Variants in CNTN1 observed in about 807,000 individuals in gnomAD.
CNTN1 encodes contactin-1.
CNTN1 carries 38 observed loss-of-function variants against 126.4 expected under a neutral mutation model. That is an observed-to-expected ratio of 0.30 (90% CI 0.23 to 0.39). CNTN1 has a LOEUF of 0.39. Among genes scored for constraint, CNTN1 ranks in the 10% least tolerant of loss-of-function variants. CNTN1 has a pLI of 1.00. For missense variants in CNTN1, 1,009 were observed against 1,248.4 expected (o/e 0.81, Z 2.89); for synonymous variants, 413 against 422.6 (o/e 0.98, Z 0.28).
intron 1 of CNTN1, among the ~76,000 whole-genome samples, chr12:40,730,603 C>T (rs1044654835): frequency 5.3e-5 from 8 of 152,130 alleles, no homozygotes; most frequent in Non-Finnish European, 1.0e-4. Context: ...GGAATGTATC[C>T]AATGACTACA....
chr12:40,984,412 T>C (rs1476491372), intron 16 of CNTN1, among the ~76,000 whole-genome samples: 2 of 152,168 alleles, frequency 1.3e-5, no homozygotes, highest in Non-Finnish European at 2.9e-5. Context: ...ACAAGAATCA[T>C]AGTGCCAGCA....
At position 40,821,919 on chromosome 12, in the gene CNTN1, TA is replaced by T. The variant is rs142654312; in HGVS notation, c.-76-86434del. Among the ~76,000 whole-genome samples, 1,144 of 151,906 alleles carry T rather than the reference TA, an allele frequency of 7.5e-3. 20 individuals are homozygous for T. Among genetic ancestry groups the T allele is most frequent in the African/African-American group, 0.026 (1,071 of 41,400 alleles). ...GGCTTTATTATATTTTCCTCACTTT[TA>T]AAATATATTATTGATATTTCAAGCA... On this transcript the variant is annotated intron_variant, in intron 1 of 23. Transcript: ENST00000551295.
chr12:40,988,081 G>T (rs1307306788), intron 16 of CNTN1, among the ~76,000 whole-genome samples: 1 of 152,028 alleles, frequency 6.6e-6, no homozygotes, highest in African/African-American at 2.4e-5. Flanking sequence ...AACACAGCTT[G>T]CTTTACTTTT....
At chr12:40,715,041 A>G (rs1942015017) in intron 1 of CNTN1, among the ~76,000 whole-genome samples, 1 of 152,196 alleles carries the variant, frequency 6.6e-6, no homozygotes. Flanking sequence ...ACATGCGATA[A>G]GAAAATCTAA....
chr12:41,057,026 TATAAATATTATAA>T (rs1290849716), intron 23 of CNTN1, among the ~76,000 whole-genome samples: 1 of 78,838 alleles, frequency 1.3e-5, no homozygotes, highest in African/African-American at 6.6e-5. Flanking sequence ...AAATGATATT[TATAAATATTATAA>T]ATATTTAGAT....
chr12:40,784,220 C>T (rs189134510), intron 1 of CNTN1, among the ~76,000 whole-genome samples: 4 of 152,156 alleles, frequency 2.6e-5, no homozygotes, highest in Admixed American at 2.0e-4. Context: ...CTTCATATGG[C>T]GCTATCAATA....
intron 1 of CNTN1, among the ~76,000 whole-genome samples, chr12:40,812,081 A>G (rs567089422): frequency 4.7e-5 from 7 of 149,304 alleles, no homozygotes; most frequent in Admixed American, 2.0e-4. Flanking sequence ...AAATTTCGGT[A>G]TGTTGTGTTT....
At chr12:40,823,991 A>T (rs113256861) in intron 1 of CNTN1, among the ~76,000 whole-genome samples, 3 of 152,144 alleles carry the variant, frequency 2.0e-5, no homozygotes, top group Non-Finnish European at 4.4e-5. Context: ...CTTCTGGTGG[A>T]TTAGAAATGA....
chr12:40,834,602 C>G (rs1043717310), intron 1 of CNTN1, among the ~76,000 whole-genome samples: 1 of 152,094 alleles, frequency 6.6e-6, no homozygotes, highest in Non-Finnish European at 1.5e-5. Flanking sequence ...TATTGAAGAA[C>G]TGGGTGGATA....
At chr12:40,948,461 T>G (rs546106761) in intron 14 of CNTN1, among the ~76,000 whole-genome samples, 3 of 152,252 alleles carry the variant, frequency 2.0e-5, no homozygotes, top group African/African-American at 7.2e-5. Context: ...TTAAATGTTT[T>G]TCACATATTT....
At chr12:40,700,237 AT>A (rs1296478784) in intron 1 of CNTN1, among the ~76,000 whole-genome samples, 1 of 151,832 alleles carries the variant, frequency 6.6e-6, no homozygotes, top group Admixed American at 6.6e-5. Context: ...TTATTAAAAT[AT>A]TTTTTTCAGC....
rs1248581199 is a variant in CNTN1, at chr12:41,025,045, T to C, written c.2524-105T>C. On this transcript the variant is annotated intron_variant, in intron 20 of 23. Transcript: ENST00000551295. ...TATCATTAAGAAACATTTGAAAATA[T>C]GATGATCAGCCAACACCAATGGTAA... 4 of 1,078,870 alleles carry C rather than the reference T, an allele frequency of 3.7e-6. No individual in the cohort carries two copies. In the East Asian group the frequency reaches 9.4e-5, roughly 25 times the overall value. 66.8% of individuals were successfully genotyped at this position (1,078,870 alleles called of 1,614,324 possible). A position where few individuals can be genotyped will look rare whatever the true frequency, so the allele number is the denominator to read the frequency against.
At chr12:40,740,994 T>C (rs1467160510) in intron 1 of CNTN1, among the ~76,000 whole-genome samples, 1 of 152,036 alleles carries the variant, frequency 6.6e-6, no homozygotes, top group African/African-American at 2.4e-5. Flanking sequence ...AGTATGAAAA[T>C]GGACTAATAC....
chr12:40,922,342 A>G lies in CNTN1; in HGVS notation c.314A>G (p.Lys105Arg), dbSNP rs773305634. The change falls in exon 5 of 24, where the codon AAA becomes AGA. Residue 105 changes from lysine (K) to arginine (R), a missense_variant. Coordinates refer to ENST00000551295, the MANE Select transcript of CNTN1 (RefSeq NM_001843.4). The part of the protein sequence containing the change: ...GGNLVINNPD[K>R]QKDAGIYYCL... The stretch of plus-strand genomic sequence containing the variant: ...AACCTTGTTATCAACAACCCTGACA[A>G]ACAGAAAGATGCTGGAATATACTAC... 4.2e-5 allele frequency: 67 copies of G among 1,613,958 alleles called. No homozygotes were observed. Among genetic ancestry groups the G allele is most frequent in the Admixed American group, 1.3e-4 (8 of 59,988 alleles).
At chr12:40,831,273 T>C (rs573281471) in intron 1 of CNTN1, among the ~76,000 whole-genome samples, 14 of 151,346 alleles carry the variant, frequency 9.3e-5, no homozygotes, top group African/African-American at 3.4e-4. Context: ...TATGGATGAT[T>C]AGGAGGCCTA....
chr12:40,948,003 A>G (rs56178845), intron 14 of CNTN1, among the ~76,000 whole-genome samples: 439 of 151,880 alleles, frequency 2.9e-3, no homozygotes, highest in African/African-American at 0.01. Context: ...TGATCCAGGG[A>G]TTAAAATTCT....
chr12:40,758,897 T>C (rs1390918240), intron 1 of CNTN1, among the ~76,000 whole-genome samples: 3 of 151,836 alleles, frequency 2.0e-5, no homozygotes, highest in Non-Finnish European at 4.4e-5. Flanking sequence ...TATATATATA[T>C]ATATTCTTTT....
At chr12:40,838,859 G>GA (rs35664463) in intron 1 of CNTN1, among the ~76,000 whole-genome samples, 23,770 of 152,152 alleles carry the variant, frequency 0.16, 1,861 homozygotes, top group Middle Eastern at 0.21. Flanking sequence ...CATGAAGCAT[G>GA]AAAAAACAAG....
chr12:40,796,856 G>A (rs1296912653), intron 1 of CNTN1, among the ~76,000 whole-genome samples: 3 of 152,054 alleles, frequency 2.0e-5, no homozygotes, highest in Non-Finnish European at 4.4e-5. Flanking sequence ...TTAACAATGA[G>A]GACAAAGCTT....
Sources: gnomAD v4.1 joint callset for allele counts (sites outside exome capture counted in the v4.1 genomes callset) on GRCh38, gnomAD v4.1.1 for gene constraint, MANE v1.5 for transcripts, NCBI Gene and HGNC (gene_info 2026-07-23, HGNC 2026-07-21) for gene names.